Variants in ERBB4 observed in about 807,000 individuals in gnomAD.
The protein encoded by ERBB4 is erb-b2 receptor tyrosine kinase 4, also known as receptor tyrosine-protein kinase erbB-4.
In ERBB4, 42 loss-of-function variants were observed where a neutral mutation model predicts 158.0. That is an observed-to-expected ratio of 0.27 (90% CI 0.21 to 0.34). The LOEUF is 0.34. ERBB4 is among the 10% of genes least tolerant of loss of function. The pLI is 1.00. For synonymous variants in ERBB4, 583 were observed against 558.7 expected (o/e 1.04, Z -0.61); for missense variants, 1,333 against 1,624.1 (o/e 0.82, Z 3.08).
chr2:212,071,890 C>A (rs115934051), intron 2 of ERBB4, among the ~76,000 whole-genome samples: 1,759 of 152,082 alleles, frequency 0.012, 25 homozygotes, highest in African/African-American at 0.039. Flanking sequence ...ATGTCTACTG[C>A]AGTCTTACTA....
At chr2:212,338,671 T>C (rs2088563361) in intron 1 of ERBB4, among the ~76,000 whole-genome samples, 1 of 152,118 alleles carries the variant, frequency 6.6e-6, no homozygotes, top group Non-Finnish European at 1.5e-5. Context: ...AACTGGACAT[T>C]TATTTAGGCA....
chr2:212,511,330 G>A (rs1040960274), intron 1 of ERBB4, among the ~76,000 whole-genome samples: 1 of 152,148 alleles, frequency 6.6e-6, no homozygotes, highest in South Asian at 2.1e-4. Flanking sequence ...CAGTTTTTAT[G>A]AGAATCAAAT....
chr2:211,377,906 T>G lies in ERBB4; in HGVS notation c.*5709A>C, dbSNP rs942192246. ...AACCATAATTTTAATAGCTTAAATA[T>G]TCTCTATGCGGTAGTTTGATAGTTC... On this transcript the variant is annotated 3_prime_UTR_variant, in exon 28 of 28. Transcript: ENST00000342788. 163 of 232,852 alleles carry G rather than the reference T, an allele frequency of 7.0e-4. No individual in the cohort carries two copies. Among genetic ancestry groups the G allele is most frequent in the African/African-American group, 3.4e-3 (155 of 45,404 alleles). The allele number at this position is 232,852 out of a possible 1,614,324, so 14.4% of individuals were successfully genotyped here.
chr2:212,207,608 G>C (rs892433881), intron 1 of ERBB4, among the ~76,000 whole-genome samples: 20 of 152,078 alleles, frequency 1.3e-4, no homozygotes, highest in African/African-American at 4.8e-4. Flanking sequence ...AAATTTGTTA[G>C]GGTTTTTTTG....
At chr2:212,478,447 C>T (rs546927624) in intron 1 of ERBB4, among the ~76,000 whole-genome samples, 1 of 151,970 alleles carries the variant, frequency 6.6e-6, no homozygotes, top group South Asian at 2.1e-4. Flanking sequence ...TAGGTAAGCA[C>T]AAGCAAAAGT....
chr2:211,589,433 T>G (rs1284938196), intron 19 of ERBB4, among the ~76,000 whole-genome samples: 1 of 152,150 alleles, frequency 6.6e-6, no homozygotes, highest in Non-Finnish European at 1.5e-5. Context: ...AACATTAAAA[T>G]GAATGTCCAC....
intron 2 of ERBB4, among the ~76,000 whole-genome samples, chr2:212,048,968 C>T (rs777865919): frequency 6.6e-6 from 1 of 152,172 alleles, no homozygotes; most frequent in Non-Finnish European, 1.5e-5. Flanking sequence ...AGAGCTGATA[C>T]GAGAGTGCAA....
At chr2:212,391,948 T>G (rs556974537) in intron 1 of ERBB4, among the ~76,000 whole-genome samples, 87 of 151,406 alleles carry the variant, frequency 5.7e-4, no homozygotes, top group African/African-American at 2.1e-3. Flanking sequence ...GCGAAATTTT[T>G]AATTTAAAAG....
chr2:211,823,906 G>A (rs1249238514), intron 3 of ERBB4, among the ~76,000 whole-genome samples: 1 of 152,004 alleles, frequency 6.6e-6, no homozygotes, highest in Non-Finnish European at 1.5e-5. Context: ...GTAGAAATGG[G>A]AGATATAATA....
chr2:211,841,884 C>A (rs960231770), intron 3 of ERBB4, among the ~76,000 whole-genome samples: 5 of 151,914 alleles, frequency 3.3e-5, no homozygotes, highest in African/African-American at 1.2e-4. Flanking sequence ...TGAATCTAGA[C>A]AAATATTTAA....
At chr2:211,659,901 G>T (rs1248931758) in intron 15 of ERBB4, among the ~76,000 whole-genome samples, 1 of 152,158 alleles carries the variant, frequency 6.6e-6, no homozygotes, top group Non-Finnish European at 1.5e-5. Flanking sequence ...AGTGTGGAGG[G>T]CAGACACCTA....
At chr2:211,825,955 A>G (rs2077092329) in intron 3 of ERBB4, among the ~76,000 whole-genome samples, 1 of 149,884 alleles carries the variant, frequency 6.7e-6, no homozygotes, top group South Asian at 2.1e-4. Flanking sequence ...ATCTCTTAAG[A>G]TTTTTCTAGA....
At chr2:212,513,986 A>T (rs528050594) in intron 1 of ERBB4, among the ~76,000 whole-genome samples, 51 of 152,302 alleles carry the variant, frequency 3.3e-4, no homozygotes, top group African/African-American at 1.2e-3. Flanking sequence ...TTTTTTACCC[A>T]TTCCTAATAA....
At chr2:211,560,921 A>G (rs2067374578) in intron 20 of ERBB4, among the ~76,000 whole-genome samples, 1 of 152,164 alleles carries the variant, frequency 6.6e-6, no homozygotes, top group Non-Finnish European at 1.5e-5. Flanking sequence ...AAAAAAGGCC[A>G]AAACCACTAT....
At chr2:212,232,765 T>C (rs567981069) in intron 1 of ERBB4, among the ~76,000 whole-genome samples, 10 of 152,290 alleles carry the variant, frequency 6.6e-5, no homozygotes, top group Admixed American at 6.5e-4. Flanking sequence ...CTTTCTCTTC[T>C]ACTCACATAG....
chr2:211,495,235 A>C (rs1318843506), intron 20 of ERBB4, among the ~76,000 whole-genome samples: 2 of 152,098 alleles, frequency 1.3e-5, no homozygotes, highest in Non-Finnish European at 2.9e-5. Context: ...AATTATATGT[A>C]AAACAGCAAA....
intron 1 of ERBB4, among the ~76,000 whole-genome samples, chr2:212,164,266 A>G (rs565757689): frequency 5.0e-4 from 75 of 150,742 alleles, no homozygotes; most frequent in Non-Finnish European, 9.3e-4. Context: ...AGATATACAT[A>G]TATCAGATTT....
At chr2:212,413,235 C>T (rs529391868) in intron 1 of ERBB4, among the ~76,000 whole-genome samples, 2 of 150,204 alleles carry the variant, frequency 1.3e-5, no homozygotes, top group South Asian at 4.2e-4. Context: ...ATCCGCCCGA[C>T]TCGGCCTCCC....
In ERBB4 at chr2:211,391,854, A is replaced by C. The variant is rs912379941; in HGVS notation, c.3136-3862T>G. ...TTGTGATATTTTTAAAAATTATTAT[A>C]CAAATCTACTTTCGGAGGAAACAAA... On this transcript the variant is annotated intron_variant, in intron 25 of 27. Coordinates refer to ENST00000342788, the MANE Select transcript of ERBB4 (RefSeq NM_005235.3). Among the ~76,000 whole-genome samples the C allele has an allele frequency of 6.6e-5, 10 of 152,172 alleles. 1 individual carries two copies. The highest frequency in any genetic ancestry group is 1.3e-4 in the Admixed American group (2 of 15,272).
Sources: allele counts gnomAD v4.1 joint callset (sites outside exome capture counted in the v4.1 genomes callset), GRCh38; gene constraint gnomAD v4.1.1; transcripts MANE v1.5; gene names NCBI Gene and HGNC (gene_info 2026-07-23, HGNC 2026-07-21).